Variants in ZNF608 observed in about 807,000 individuals in gnomAD.
ZNF608 encodes the protein zinc finger protein 608.
ZNF608 carries 12 observed loss-of-function variants against 109.0 expected under a neutral mutation model. The observed-to-expected ratio is 0.11, with a 90% confidence interval of 0.07 to 0.18. The LOEUF is 0.18. Among genes scored for constraint, ZNF608 ranks in the 10% least tolerant of loss-of-function variants. The pLI is 1.00. For synonymous variants in ZNF608, 732 were observed against 717.4 expected, an observed-to-expected ratio of 1.02 and a Z score of -0.33; for missense variants, 1,707 against 1,879.3, an observed-to-expected ratio of 0.91 and a Z score of 1.70.
intron 3 of ZNF608, among the ~76,000 whole-genome samples, chr5:124,668,349 G>A (rs888488259): frequency 6.6e-6 from 1 of 150,458 alleles, no homozygotes; most frequent in East Asian, 1.9e-4. Context: ...GTTGCAGTGA[G>A]GTATGATAAT....
intron 2 of ZNF608, among the ~76,000 whole-genome samples, chr5:124,728,150 T>G (rs959399423): frequency 6.6e-6 from 1 of 152,202 alleles, no homozygotes; most frequent in Non-Finnish European, 1.5e-5. Flanking sequence ...AGGAAAGCTC[T>G]TATGCCTCTC....
chr5:124,641,801 G>T (rs530269760), intron 7 of ZNF608, among the ~76,000 whole-genome samples: 41 of 152,178 alleles, frequency 2.7e-4, no homozygotes, highest in Non-Finnish European at 5.1e-4. Context: ...TTTGTGGAGA[G>T]AACATATCTC....
At position 124,648,341 on chromosome 5, in the gene ZNF608, A is replaced by G; in HGVS notation, c.2043T>C (p.Ala681=). The G allele has an allele frequency of 3.7e-6, 6 of 1,614,204 alleles. No individual in the cohort carries two copies. Among genetic ancestry groups the G allele is most frequent in the Non-Finnish European group, 5.1e-6 (6 of 1,180,046 alleles). Residue 681 remains alanine (A), a synonymous_variant, in exon 5 of 10, where the codon GCT becomes GCC. Transcript: ENST00000513986. ...CTGCTGCCGAGCAACTGTCTAACGC[A>G]GCCGTCATGTTGGAGATTACTGGAA... is the stretch of plus-strand genomic sequence containing the variant. ...NNLPVISNMT[A]ALDSCSAADG...
chr5:124,724,694 T>C (rs1193801082), intron 2 of ZNF608, among the ~76,000 whole-genome samples: 1 of 152,140 alleles, frequency 6.6e-6, no homozygotes, highest in Non-Finnish European at 1.5e-5. Flanking sequence ...TTTCAATTAA[T>C]GTCTTCAGAG....
intron 2 of ZNF608, among the ~76,000 whole-genome samples, chr5:124,716,842 G>T (rs1753722821): frequency 6.6e-6 from 1 of 152,152 alleles, no homozygotes; most frequent in Non-Finnish European, 1.5e-5. Flanking sequence ...CAGCAGTTTG[G>T]GAGGCCGAGG....
intron 2 of ZNF608, among the ~76,000 whole-genome samples, chr5:124,721,118 A>G (rs1753884740): frequency 6.6e-6 from 1 of 152,170 alleles, no homozygotes. Flanking sequence ...TTAAAACTCA[A>G]TAGGCATGCT....
At chr5:124,659,659 G>A (rs141875596) in intron 3 of ZNF608, among the ~76,000 whole-genome samples, 1,685 of 152,280 alleles carry the variant, frequency 0.011, 19 homozygotes, top group Non-Finnish European at 0.017. Flanking sequence ...TAGATCAGTA[G>A]GTCATGGGTG....
At chr5:124,638,931 A>T (rs916778841) in intron 9 of ZNF608, 17 of 778,096 alleles carry the variant, frequency 2.2e-5, no homozygotes, top group Admixed American at 9.3e-5. Flanking sequence ...GTTAATTACT[A>T]ATCTATGTAA....
In ZNF608 at chr5:124,701,202, A is replaced by G. The variant is rs1753038331; in HGVS notation, c.974T>C (p.Leu325Pro). The G allele has an allele frequency of 6.2e-7, 1 of 1,614,064 alleles. No homozygotes were observed. The highest frequency in any genetic ancestry group is 8.5e-7 in the Non-Finnish European group (1 of 1,180,028). Residue 325 changes from leucine to proline, a missense_variant, in exon 3 of 10, where the codon CTA becomes CCA. Physicochemically the swap from Leu to Pro is moderately conservative, Grantham distance 98. Transcript: ENST00000513986. ...PISSSLTPQI[L>P]PSYFSPSSSN... ...TGAAGATGGGGAAAAGTAGGAGGGT[A>G]GAATCTGAGGCGTGAGACTGCTGGA...
chr5:124,643,107 A>G (rs1320633931), intron 7 of ZNF608, among the ~76,000 whole-genome samples: 1 of 152,206 alleles, frequency 6.6e-6, no homozygotes, highest in Non-Finnish European at 1.5e-5. Context: ...GATTTGCCCA[A>G]AAAGTCAACA....
intron 2 of ZNF608, among the ~76,000 whole-genome samples, chr5:124,716,195 A>T (rs2149873416): frequency 6.6e-6 from 1 of 151,680 alleles, no homozygotes; most frequent in Admixed American, 6.6e-5. Context: ...TAGTTGCTTT[A>T]CGTATCAAAA....
intron 3 of ZNF608, among the ~76,000 whole-genome samples, chr5:124,697,922 C>T (rs539593274): frequency 3.9e-5 from 6 of 152,248 alleles, no homozygotes; most frequent in East Asian, 3.9e-4. Flanking sequence ...GACATATGAA[C>T]GCACGTAACA....
At chr5:124,742,516 C>T (rs1749456977) in intron 2 of ZNF608, among the ~76,000 whole-genome samples, 1 of 152,118 alleles carries the variant, frequency 6.6e-6, no homozygotes. Flanking sequence ...CCCTACTGTA[C>T]TAAGTAATAA....
chr5:124,659,778 T>C (rs1277384824), intron 3 of ZNF608, among the ~76,000 whole-genome samples: 1 of 152,176 alleles, frequency 6.6e-6, no homozygotes, highest in East Asian at 1.9e-4. Flanking sequence ...CCATCCCCAG[T>C]CCTTGAGCTG....
chr5:124,647,020 T>G lies in ZNF608; in HGVS notation c.3364A>C (p.Thr1122Pro). 6.2e-7 allele frequency: 1 copy of G among 1,614,062 alleles called. No homozygotes were observed. ...TTCCTTTCACAGTCTCCTCTCCCAG[T>G]CTGGGCCATTTTCTGCTCTGCCAGC... ...QRLAEQKMAQTGRGDCERKSE... is the reference protein window; with the variant it reads ...QRLAEQKMAQPGRGDCERKSE... The change falls in exon 5 of 10, where the codon ACT becomes CCT. Residue 1122 changes from threonine to proline, a missense_variant. By Grantham distance (38) the Thr-to-Pro change is conservative. Transcript: ENST00000513986.
intron 2 of ZNF608, among the ~76,000 whole-genome samples, chr5:124,721,573 A>G (rs781047448): frequency 3.3e-5 from 5 of 152,188 alleles, no homozygotes; most frequent in Non-Finnish European, 7.3e-5. Flanking sequence ...CAGTAAAGAT[A>G]GTCAGACAAC....
At chr5:124,651,916 CG>C (rs1750803815) in intron 3 of ZNF608, among the ~76,000 whole-genome samples, 1 of 152,212 alleles carries the variant, frequency 6.6e-6, no homozygotes, top group African/African-American at 2.4e-5. Flanking sequence ...TCGGTGCACG[CG>C]GGACACAGGC....
intron 3 of ZNF608, among the ~76,000 whole-genome samples, chr5:124,688,001 G>T (rs186975524): frequency 6.6e-6 from 1 of 151,994 alleles, no homozygotes; most frequent in Admixed American, 6.6e-5. Context: ...ATCATGAGAC[G>T]CAAAATGCTT....
intron 3 of ZNF608, among the ~76,000 whole-genome samples, chr5:124,682,760 G>A (rs920760359): frequency 1.1e-4 from 16 of 152,324 alleles, no homozygotes; most frequent in African/African-American, 3.8e-4. Context: ...ATTAGAAAAG[G>A]TAATCATAGA....
Sources: allele counts gnomAD v4.1 joint callset (sites outside exome capture counted in the v4.1 genomes callset), GRCh38; gene constraint gnomAD v4.1.1; transcripts MANE v1.5; gene names NCBI Gene and HGNC (gene_info 2026-07-23, HGNC 2026-07-21).